Variants in IQCM observed in about 807,000 individuals in gnomAD.
The protein encoded by IQCM is IQ domain-containing protein M.
Under a neutral mutation model 57.6 loss-of-function variants are expected in IQCM, and 45 were observed. The ratio of observed to expected loss-of-function variants is 0.78; its 90% CI spans 0.62 to 1.00. The LOEUF is 1.00. Ranked by LOEUF, IQCM falls within the 50% of genes least tolerant of loss-of-function variation. IQCM has a pLI of 0.00. For synonymous variants in IQCM, 148 were observed against 158.9 expected, an observed-to-expected ratio of 0.93 and a Z score of 0.51; for missense variants, 468 against 511.6, an observed-to-expected ratio of 0.91 and a Z score of 0.82.
chr4:149,624,202 C>G (rs1397255272), intron 7 of IQCM, among the ~76,000 whole-genome samples: 1 of 151,574 alleles, frequency 6.6e-6, no homozygotes, highest in East Asian at 1.9e-4. Flanking sequence ...GGATTAGAAC[C>G]CGATTTGGCA....
intron 12 of IQCM, among the ~76,000 whole-genome samples, chr4:149,470,761 A>C (rs1315563005): frequency 1.3e-5 from 2 of 152,222 alleles, no homozygotes; most frequent in Non-Finnish European, 2.9e-5. Context: ...AAATTATAAC[A>C]AACTGTCTCT....
At chr4:149,686,762 T>C (rs1399157346) in intron 5 of IQCM, among the ~76,000 whole-genome samples, 3 of 151,522 alleles carry the variant, frequency 2.0e-5, no homozygotes, top group African/African-American at 7.3e-5. Context: ...CATATACCGA[T>C]GAATACAAAC....
At chr4:149,727,586 T>C (rs1181112576) in intron 5 of IQCM, among the ~76,000 whole-genome samples, 1 of 152,208 alleles carries the variant, frequency 6.6e-6, no homozygotes, top group Non-Finnish European at 1.5e-5. Context: ...GTTGCTTAAC[T>C]GTCCGAAACC....
intron 7 of IQCM, among the ~76,000 whole-genome samples, chr4:149,650,145 T>C (rs1205667922): frequency 6.6e-6 from 1 of 152,122 alleles, no homozygotes; most frequent in Non-Finnish European, 1.5e-5. Flanking sequence ...AATAGGGTCA[T>C]TGCAGATGTA....
At chr4:149,604,677 G>A (rs984322904) in intron 8 of IQCM, among the ~76,000 whole-genome samples, 3 of 152,110 alleles carry the variant, frequency 2.0e-5, no homozygotes, top group Non-Finnish European at 4.4e-5. Context: ...GCTAATTAGT[G>A]CTAAACCTTC....
intron 8 of IQCM, among the ~76,000 whole-genome samples, chr4:149,591,449 T>A (rs1753157637): frequency 6.6e-6 from 1 of 151,712 alleles, no homozygotes. Context: ...CCAAATGTGG[T>A]TAAAGGTTTT....
intron 12 of IQCM, among the ~76,000 whole-genome samples, chr4:149,509,100 C>T (rs1255827140): frequency 1.3e-5 from 2 of 152,146 alleles, no homozygotes; most frequent in Non-Finnish European, 1.5e-5. Context: ...ATTGCCCAGT[C>T]TTGGGTATGC....
intron 7 of IQCM, among the ~76,000 whole-genome samples, chr4:149,674,952 C>T (rs1761622987): frequency 6.6e-6 from 1 of 152,004 alleles, no homozygotes; most frequent in South Asian, 2.1e-4. Flanking sequence ...AAATTGTCAG[C>T]ATATAGGTGG....
intron 12 of IQCM, among the ~76,000 whole-genome samples, chr4:149,462,159 C>A (rs1227332390): frequency 1.3e-5 from 2 of 152,034 alleles, no homozygotes; most frequent in Non-Finnish European, 2.9e-5. Context: ...AAATGCAGGT[C>A]ATTATATAGT....
At chr4:149,462,311 G>A (rs1738388896) in intron 12 of IQCM, among the ~76,000 whole-genome samples, 1 of 152,120 alleles carries the variant, frequency 6.6e-6, no homozygotes, top group South Asian at 2.1e-4. Context: ...TTTGGGGATA[G>A]ACCAAAAGCA....
intron 7 of IQCM, among the ~76,000 whole-genome samples, chr4:149,661,039 G>T (rs771628270): frequency 6.6e-6 from 1 of 151,782 alleles, no homozygotes; most frequent in Non-Finnish European, 1.5e-5. Flanking sequence ...AGATAAATGG[G>T]TATCTTTGTC....
chr4:149,676,124 C>G (rs1052625384), intron 7 of IQCM, among the ~76,000 whole-genome samples: 3 of 151,994 alleles, frequency 2.0e-5, no homozygotes, highest in Non-Finnish European at 4.4e-5. Context: ...TGAGGAATAT[C>G]AATTTAAGAG....
chr4:149,689,822 G>GA (rs1345581592), intron 5 of IQCM, among the ~76,000 whole-genome samples: 32 of 152,014 alleles, frequency 2.1e-4, no homozygotes, highest in African/African-American at 7.5e-4. Flanking sequence ...ACAAACATAT[G>GA]AAAAAATGCT....
intron 2 of IQCM, among the ~76,000 whole-genome samples, chr4:149,746,983 C>T (rs1324411672): frequency 6.6e-6 from 1 of 152,184 alleles, no homozygotes; most frequent in Non-Finnish European, 1.5e-5. Context: ...CCACTAGGAC[C>T]TCCCTCCCAG....
intron 8 of IQCM, among the ~76,000 whole-genome samples, chr4:149,616,848 C>A (rs1056854927): frequency 1.2e-4 from 18 of 152,040 alleles, no homozygotes; most frequent in Non-Finnish European, 2.4e-4. Context: ...CATACATATA[C>A]CTATGTAACA....
intron 12 of IQCM, among the ~76,000 whole-genome samples, chr4:149,523,262 A>G (rs543631238): frequency 5.3e-5 from 8 of 152,266 alleles, no homozygotes; most frequent in Non-Finnish European, 1.0e-4. Flanking sequence ...CACACTGGGG[A>G]TTAGGGTTAC....
intron 12 of IQCM, among the ~76,000 whole-genome samples, chr4:149,492,539 T>C (rs1294154924): frequency 6.6e-6 from 1 of 152,108 alleles, no homozygotes; most frequent in Non-Finnish European, 1.5e-5. Flanking sequence ...AACTTGAACA[T>C]TTTAATATAC....
intron 7 of IQCM, among the ~76,000 whole-genome samples, chr4:149,675,197 A>G (rs764749772): frequency 6.6e-6 from 1 of 152,112 alleles, no homozygotes; most frequent in Non-Finnish European, 1.5e-5. Flanking sequence ...ACAGAAATTG[A>G]CAAGGATCCA....
At chr4:149,513,332 A>G (rs1380623197) in intron 12 of IQCM, among the ~76,000 whole-genome samples, 2 of 152,158 alleles carry the variant, frequency 1.3e-5, no homozygotes, top group Non-Finnish European at 2.9e-5. Flanking sequence ...TCTTCTTGTC[A>G]ACTTAGCTTT....
Sources: gnomAD v4.1 joint callset for allele counts (sites outside exome capture counted in the v4.1 genomes callset) on GRCh38, gnomAD v4.1.1 for gene constraint, MANE v1.5 for transcripts, NCBI Gene and HGNC (gene_info 2026-07-23, HGNC 2026-07-21) for gene names.